The following FSD1L variants were observed in gnomAD, a reference collection of about 807,000 sequenced individuals.
FSD1L encodes fibronectin type III and SPRY domain containing 1 like.
Under a neutral mutation model 71.6 loss-of-function variants are expected in FSD1L, and 45 were observed. The observed-to-expected ratio is 0.63, with a 90% confidence interval of 0.49 to 0.81. The LOEUF is 0.81. Among genes scored for constraint, FSD1L ranks in the 30% least tolerant of loss-of-function variants. FSD1L has a pLI of 0.00. For synonymous variants in FSD1L, 197 were observed against 207.2 expected (o/e 0.95, Z 0.42); for missense variants, 561 against 618.1 (o/e 0.91, Z 0.98).
At chr9:105,524,794 T>C in intron 10 of FSD1L, 2 of 1,593,944 alleles carry the variant, frequency 1.3e-6, no homozygotes, top group Admixed American at 3.4e-5. Flanking sequence ...ACACATCTGG[T>C]AAATCACCTG....
At chr9:105,471,860 G>A in intron 4 of FSD1L, 44 bp from the exon 5 acceptor site, 2 of 769,944 alleles carry the variant, frequency 2.6e-6, no homozygotes, top group South Asian at 5.0e-5. Flanking sequence ...ATGGCAATAG[G>A]AAACTTCATT....
intron 12 of FSD1L, among the ~76,000 whole-genome samples, 180 bp from the exon 13 acceptor site, chr9:105,539,083 T>C (rs1012728046): frequency 1.3e-5 from 2 of 152,164 alleles, no homozygotes; most frequent in African/African-American, 4.8e-5. Context: ...GAAAATTGGA[T>C]TGGGCTTTTC....
chr9:105,480,816 AT>A (rs1017532539), intron 6 of FSD1L, among the ~76,000 whole-genome samples: 17 of 152,112 alleles, frequency 1.1e-4, no homozygotes, highest in Admixed American at 2.6e-4. Flanking sequence ...CCCTGGGTAT[AT>A]TATACTTACT....
In FSD1L at chr9:105,454,213, G is replaced by T. The variant is rs1829209549; in HGVS notation, c.15+5978G>T. Among the ~76,000 whole-genome samples, 3 of 151,976 alleles carry T rather than the reference G, an allele frequency of 2.0e-5. 1 individual carries two copies. The South Asian group carries it at 6.2e-4, about 32-fold the overall frequency. ...ATATAAAAACTTTTCTAAAATTATG[G>T]TATCATGCTATATATGCTGCTCTAT... On this transcript the variant is annotated intron_variant, in intron 1 of 13. Coordinates refer to ENST00000481272, the MANE Select transcript of FSD1L (RefSeq NM_001145313.3).
intron 7 of FSD1L, among the ~76,000 whole-genome samples, chr9:105,492,667 T>G (rs1018892587): frequency 6.6e-6 from 1 of 152,162 alleles, no homozygotes; most frequent in Admixed American, 6.5e-5. Flanking sequence ...ACACACTGCT[T>G]TGAATGTGTC....
chr9:105,534,024 C>T (rs941812680), intron 10 of FSD1L, among the ~76,000 whole-genome samples: 26 of 152,230 alleles, frequency 1.7e-4, no homozygotes, highest in Admixed American at 1.5e-3. Context: ...CGTGCCTGGC[C>T]GCCATTTCTA....
At position 105,548,475 on chromosome 9, in the gene FSD1L, A is replaced by G. The variant is rs939173819; in HGVS notation, c.*1992A>G. ...CATTAATTCAGTGCCTTTTTCCTCT[A>G]AGCATACTCTTGGTCCATGCCCCAT... is the stretch of plus-strand genomic sequence containing the variant. On this transcript the variant is annotated 3_prime_UTR_variant, in exon 14 of 14. Transcript: ENST00000481272. The G allele has an allele frequency of 3.9e-5, 6 of 152,652 alleles. No homozygotes were observed. The East Asian group carries it at 1.2e-3, about 29-fold the overall frequency. 9.5% of individuals were successfully genotyped at this position (152,652 alleles called of 1,614,324 possible).
At chr9:105,507,214 TTAA>T (rs1834109149) in intron 8 of FSD1L, among the ~76,000 whole-genome samples, 1 of 152,252 alleles carries the variant, frequency 6.6e-6, no homozygotes, top group South Asian at 2.1e-4. Flanking sequence ...TACCTTCATG[TTAA>T]TAATTAACAA....
At position 105,546,240 on chromosome 9, in the gene FSD1L, G is replaced by A. The variant is rs115010409; in HGVS notation, c.1468-118G>A. ...CCTCAGCTGAAATATGACAGTTAAT[G>A]TGTTTGAGAATGATTGATGTTCATA... On this transcript the variant is annotated intron_variant, in intron 13 of 13. Transcript: ENST00000481272. The A allele has an allele frequency of 3.6e-6, 3 of 843,540 alleles. No individual in the cohort carries two copies. In the African/African-American group the frequency reaches 5.2e-5, roughly 15 times the overall value. 52.3% of individuals were successfully genotyped at this position (843,540 alleles called of 1,614,324 possible). A position where few individuals can be genotyped will look rare whatever the true frequency, so the allele number is the denominator to read the frequency against.
chr9:105,537,853 A>G (rs1186751432), intron 12 of FSD1L, among the ~76,000 whole-genome samples: 2 of 152,198 alleles, frequency 1.3e-5, no homozygotes, highest in East Asian at 1.9e-4. Context: ...AAAGCCCTTA[A>G]TAAGTGTTGA....
chr9:105,532,689 G>T (rs1316448508), intron 10 of FSD1L, among the ~76,000 whole-genome samples: 1 of 152,156 alleles, frequency 6.6e-6, no homozygotes, highest in Non-Finnish European at 1.5e-5. Context: ...CATGCTATCT[G>T]TTCAAACAGA....
At chr9:105,453,846 T>G (rs1247599181) in intron 1 of FSD1L, among the ~76,000 whole-genome samples, 2 of 152,148 alleles carry the variant, frequency 1.3e-5, no homozygotes, top group African/African-American at 4.8e-5. Context: ...ACTCTTAGGG[T>G]GGAAAATATT....
At chr9:105,489,776 A>G (rs1419394922) in intron 7 of FSD1L, among the ~76,000 whole-genome samples, 1 of 151,954 alleles carries the variant, frequency 6.6e-6, no homozygotes, top group African/African-American at 2.4e-5. Context: ...TGTTCTTGTG[A>G]TAGTTTACTG....
chr9:105,541,365 C>T (rs1235966394), intron 13 of FSD1L, among the ~76,000 whole-genome samples: 1 of 149,790 alleles, frequency 6.7e-6, no homozygotes, highest in Non-Finnish European at 1.5e-5. Flanking sequence ...ACTGGTCCAT[C>T]AAGGATGAGT....
intron 10 of FSD1L, chr9:105,523,290 A>T (rs1204455536): frequency 6.3e-7 from 1 of 1,593,956 alleles, no homozygotes; most frequent in African/African-American, 1.3e-5. Flanking sequence ...TATAGATCAC[A>T]TGGAACAGAA....
intron 8 of FSD1L, among the ~76,000 whole-genome samples, chr9:105,507,404 C>T (rs1428605311): frequency 6.6e-6 from 1 of 152,156 alleles, no homozygotes; most frequent in East Asian, 1.9e-4. Context: ...GAGCAGTTAC[C>T]ATTTATCAGG....
chr9:105,521,361 A>G (rs1261268163), intron 10 of FSD1L: 3 of 1,614,086 alleles, frequency 1.9e-6, no homozygotes, highest in Admixed American at 1.7e-5. Flanking sequence ...TCATTCCAAT[A>G]CAAGCACTCT....
intron 5 of FSD1L, among the ~76,000 whole-genome samples, chr9:105,477,778 G>A (rs989102169): frequency 6.6e-6 from 1 of 152,280 alleles, no homozygotes; most frequent in East Asian, 1.9e-4. Context: ...GTAGTTTCAT[G>A]ACTTAAGATA....
intron 7 of FSD1L, among the ~76,000 whole-genome samples, chr9:105,503,234 C>A (rs1328280419): frequency 6.6e-6 from 1 of 152,046 alleles, no homozygotes; most frequent in Non-Finnish European, 1.5e-5. Context: ...GCATTTAAAT[C>A]TCTAATTTTT....
Sources: allele counts gnomAD v4.1 joint callset (sites outside exome capture counted in the v4.1 genomes callset), GRCh38; gene constraint gnomAD v4.1.1; transcripts MANE v1.5; gene names NCBI Gene and HGNC (gene_info 2026-07-23, HGNC 2026-07-21).